EPS8: variants seen among roughly 807,000 people sequenced by gnomAD.
EPS8 encodes epidermal growth factor receptor kinase substrate 8.
EPS8 carries 42 observed loss-of-function variants against 103.8 expected under a neutral mutation model. The observed-to-expected ratio is 0.40, with a 90% CI of 0.32 to 0.52. EPS8 has a LOEUF of 0.52. EPS8 is among the 20% of genes least tolerant of loss of function. The pLI, the probability that EPS8 is intolerant of heterozygous loss-of-function variation, is 0.40. For synonymous variants in EPS8, 344 were observed against 344.6 expected, an observed-to-expected ratio of 1.00 and a Z score of 0.02; for missense variants, 969 against 1,005.1, an observed-to-expected ratio of 0.96 and a Z score of 0.49.
chr12:15,724,547 T>C (rs1946632139), intron 1 of EPS8, among the ~76,000 whole-genome samples: 1 of 152,176 alleles, frequency 6.6e-6, no homozygotes, highest in South Asian at 2.1e-4. Context: ...CACTTTACTT[T>C]TAAAACTTTT....
At chr12:15,621,708 T>G (rs1944865106) in intron 20 of EPS8, among the ~76,000 whole-genome samples, 1 of 152,160 alleles carries the variant, frequency 6.6e-6, no homozygotes, top group South Asian at 2.1e-4. Context: ...TACTCTAGGT[T>G]TGCTGAGAGA....
At chr12:15,712,991 T>C in intron 1 of EPS8, 2 of 985,416 alleles carry the variant, frequency 2.0e-6, no homozygotes, top group African/African-American at 3.5e-5. Flanking sequence ...GTTTCGGCAT[T>C]GTACTGTACC....
rs1946539739 is a variant in EPS8 at position 15,717,011 on chromosome 12, C to T, written c.-21-34039G>A. Among the ~76,000 whole-genome samples, 1 of 152,156 alleles carries T rather than the reference C, an allele frequency of 6.6e-6. No homozygotes were observed. Reference sequence around the variant, plus strand: ...CCCAAAAGAAGTTTCTAAAGAAATACTCTAAACTACATATTATCAAATTTC... The same window carrying T: ...CCCAAAAGAAGTTTCTAAAGAAATATTCTAAACTACATATTATCAAATTTC... On this transcript the variant is annotated intron_variant, in intron 1 of 20. Coordinates refer to ENST00000281172, the MANE Select transcript of EPS8 (RefSeq NM_004447.6). This position sits in a 1 kb window ranked among gnomAD's most constrained non-coding sequence, Gnocchi z 4.3.
chr12:15,741,878 G>A (rs910378471), intron 1 of EPS8, among the ~76,000 whole-genome samples: 7 of 151,928 alleles, frequency 4.6e-5, no homozygotes, highest in Non-Finnish European at 8.8e-5. Context: ...CCAACCCTAC[G>A]ACAGGCCCCA....
At chr12:15,679,529 T>C (rs1043523382) in intron 3 of EPS8, among the ~76,000 whole-genome samples, 4 of 152,202 alleles carry the variant, frequency 2.6e-5, no homozygotes, top group Non-Finnish European at 4.4e-5. Context: ...CTTCACAGCA[T>C]TGATAGTCCT....
chr12:15,657,451 A>G (rs762535304), intron 12 of EPS8, among the ~76,000 whole-genome samples: 3 of 152,182 alleles, frequency 2.0e-5, no homozygotes, highest in Non-Finnish European at 4.4e-5. Flanking sequence ...CGTGATTTTT[A>G]GACTACTGTA....
intron 1 of EPS8, among the ~76,000 whole-genome samples, chr12:15,741,593 G>A (rs1946823528): frequency 1.3e-5 from 2 of 152,184 alleles, no homozygotes; most frequent in Non-Finnish European, 2.9e-5. Context: ...ACTACCAAGA[G>A]GAGAGAGGTG....
At chr12:15,651,965 T>C (rs1292022424) in intron 13 of EPS8, among the ~76,000 whole-genome samples, 1 of 152,178 alleles carries the variant, frequency 6.6e-6, no homozygotes, top group African/African-American at 2.4e-5. Context: ...TATTTTAAGA[T>C]AGAACCCTAA....
rs1028147661 is a variant in EPS8 at position 15,734,689 on chromosome 12, G to A, written c.-21-51717C>T. ...AGCCTGGGCGACAGAGCGAGACTCC[G>A]TACAGAGCGAGACTCTGTCTCAAAA... is the stretch of plus-strand genomic sequence containing the variant. On this transcript the variant is annotated intron_variant, in intron 1 of 20. Transcript: ENST00000281172. The surrounding 1 kb of genome is among the most constrained non-coding windows in gnomAD (Gnocchi z 4.1). Among the ~76,000 whole-genome samples, 4 of 151,862 alleles carry A rather than the reference G, an allele frequency of 2.6e-5. No individual in the cohort carries two copies. The highest frequency in any genetic ancestry group is 9.7e-5 in the African/African-American group (4 of 41,346).
At chr12:15,633,601 G>A (rs1327751745) in intron 17 of EPS8, among the ~76,000 whole-genome samples, 1 of 152,132 alleles carries the variant, frequency 6.6e-6, no homozygotes, top group African/African-American at 2.4e-5. Flanking sequence ...TCATGCCATT[G>A]TTACATAATG....
In EPS8 at chr12:15,759,444, A is replaced by G. The variant is rs1947019743; in HGVS notation, c.-22+29717T>C. 6.6e-6 allele frequency among the ~76,000 whole-genome samples: 1 copy of G among 152,160 alleles called. No individual in the cohort carries two copies. The highest frequency in any genetic ancestry group is 1.5e-5 in the Non-Finnish European group (1 of 67,968). ...TTTATCCATTAAGAAAGATACTAGCACTGACAAATTAAACCTTTATACACT... is the reference window on the plus strand; with the variant it reads ...TTTATCCATTAAGAAAGATACTAGCGCTGACAAATTAAACCTTTATACACT... On this transcript the variant is annotated intron_variant, in intron 1 of 20. Coordinates refer to ENST00000281172, the MANE Select transcript of EPS8 (RefSeq NM_004447.6). This position sits in a 1 kb window ranked among gnomAD's most constrained non-coding sequence, Gnocchi z 4.9.
At chr12:15,663,937 A>T (rs1390107200) in intron 8 of EPS8, among the ~76,000 whole-genome samples, 14 of 9,582 alleles carry the variant, frequency 1.5e-3, no homozygotes, top group Admixed American at 2.1e-3. Flanking sequence ...AAAAAAAAAA[A>T]AAAAAAAAAT....
chr12:15,733,050 T>C lies in EPS8; in HGVS notation c.-21-50078A>G, dbSNP rs1591905627. On this transcript the variant is annotated intron_variant, in intron 1 of 20. Coordinates refer to ENST00000281172, the MANE Select transcript of EPS8 (RefSeq NM_004447.6). The surrounding 1 kb of genome is among the most constrained non-coding windows in gnomAD (Gnocchi z 4.8). Reference sequence around the variant, plus strand: ...ATGGAGTACATGGAGATGATTTTACTAGCAGCTGACCAGCATTCCTCTCCC... The same window carrying C: ...ATGGAGTACATGGAGATGATTTTACCAGCAGCTGACCAGCATTCCTCTCCC... Among the ~76,000 whole-genome samples the C allele has an allele frequency of 6.6e-6, 1 of 152,316 alleles. No individual in the cohort carries two copies. Among genetic ancestry groups the C allele is most frequent in the East Asian group, 1.9e-4 (1 of 5,188 alleles).
chr12:15,727,358 C>T lies in EPS8; in HGVS notation c.-21-44386G>A, dbSNP rs549655633. On this transcript the variant is annotated intron_variant, in intron 1 of 20. Transcript: ENST00000281172. The surrounding 1 kb of genome is among the most constrained non-coding windows in gnomAD (Gnocchi z 4.3). The stretch of plus-strand genomic sequence containing the variant: ...TGGCATATAGTATATATTTCTAAAT[C>T]AACAACTCATTTTATCATCCCAAAT... Among the ~76,000 whole-genome samples the T allele has an allele frequency of 3.9e-4, 59 of 152,290 alleles. 1 individual carries two copies. The highest frequency in any genetic ancestry group is 1.3e-3 in the African/African-American group (53 of 41,552).
chr12:15,665,979 A>T (rs1945702465), intron 7 of EPS8, 87 bp from the exon 8 acceptor site: 1 of 1,375,090 alleles, frequency 7.3e-7, no homozygotes, highest in African/African-American at 1.5e-5. Context: ...TAGTTATTAA[A>T]ATTCAAAAAG....
intron 1 of EPS8, among the ~76,000 whole-genome samples, chr12:15,753,621 C>A (rs78432515): frequency 6.6e-6 from 1 of 152,070 alleles, no homozygotes; most frequent in Non-Finnish European, 1.5e-5. Flanking sequence ...AAAGATAACA[C>A]GTAATAAAAA....
rs922101315 is a variant in EPS8 at position 15,693,170 on chromosome 12, G to A, written c.-21-10198C>T. 6.6e-5 allele frequency among the ~76,000 whole-genome samples: 10 copies of A among 152,064 alleles called. No homozygotes were observed. Among genetic ancestry groups the A allele is most frequent in the African/African-American group, 9.7e-5 (4 of 41,402 alleles). ...CAGACCCCAGCCATCAGTGTCTATC[G>A]GTCTTTTGCATAGATCAGTCAGGTT... On this transcript the variant is annotated intron_variant, in intron 1 of 20. Coordinates refer to ENST00000281172, the MANE Select transcript of EPS8 (RefSeq NM_004447.6). The surrounding 1 kb of genome is among the most constrained non-coding windows in gnomAD (Gnocchi z 5.6).
intron 1 of EPS8, among the ~76,000 whole-genome samples, chr12:15,715,313 G>A (rs1182124659): frequency 3.3e-5 from 5 of 151,716 alleles, no homozygotes; most frequent in Non-Finnish European, 7.4e-5. Context: ...CATCCCCCTT[G>A]GCCCAACAGT....
chr12:15,760,336 C>G lies in EPS8; in HGVS notation c.-22+28825G>C, dbSNP rs1441111171. ...AAAATCTCCCAGTAAAATAAAAGCC[C>G]AAGACCCAATGGCTTCACTGCTAAA... On this transcript the variant is annotated intron_variant, in intron 1 of 20. Transcript: ENST00000281172. This position sits in a 1 kb window ranked among gnomAD's most constrained non-coding sequence, Gnocchi z 4.5. 6.6e-6 allele frequency among the ~76,000 whole-genome samples: 1 copy of G among 151,614 alleles called. No individual in the cohort carries two copies. Among genetic ancestry groups the G allele is most frequent in the Admixed American group, 6.6e-5 (1 of 15,238 alleles).
Sources: gnomAD v4.1 joint callset for allele counts (sites outside exome capture counted in the v4.1 genomes callset) on GRCh38, gnomAD v4.1.1 for gene constraint, Gnocchi (gnomAD v3.1) non-coding constraint, MANE v1.5 for transcripts, NCBI Gene and HGNC (gene_info 2026-07-23, HGNC 2026-07-21) for gene names.